PLGRKT: variants seen among roughly 807,000 people sequenced by gnomAD.
The protein encoded by PLGRKT is plasminogen receptor with a C-terminal lysine, also known as plasminogen receptor (KT).
Under a neutral mutation model 18.5 loss-of-function variants are expected in PLGRKT, and 22 were observed. The ratio of observed to expected loss-of-function variants is 1.19; its 90% confidence interval spans 0.85 to 1.70. PLGRKT has a LOEUF of 1.70. PLGRKT is among the 40% of genes most tolerant of loss of function. The pLI is 0.00. For synonymous variants in PLGRKT, 72 were observed against 52.8 expected, an observed-to-expected ratio of 1.36 and a Z score of -1.58; for missense variants, 235 against 174.4, an observed-to-expected ratio of 1.35 and a Z score of -1.96.
At chr9:5,359,264 G>C (rs1817208288) in intron 5 of PLGRKT, among the ~76,000 whole-genome samples, 1 of 151,902 alleles carries the variant, frequency 6.6e-6, no homozygotes, top group Non-Finnish European at 1.5e-5. Context: ...CATCATGTTG[G>C]ACAGGCTGGT....
At chr9:5,377,527 G>A (rs1035323568) in intron 3 of PLGRKT, among the ~76,000 whole-genome samples, 1 of 152,096 alleles carries the variant, frequency 6.6e-6, no homozygotes. Flanking sequence ...TCTCCATAAT[G>A]GTGCTGGAAA....
At chr9:5,420,158 A>G (rs1818547082) in intron 3 of PLGRKT, among the ~76,000 whole-genome samples, 1 of 152,228 alleles carries the variant, frequency 6.6e-6, no homozygotes, top group Non-Finnish European at 1.5e-5. Flanking sequence ...TTTACAGAAA[A>G]TGCCCAAAAT....
rs539342364 is a variant in PLGRKT, at chr9:5,398,982, G to C, written c.81+32915C>G. Among the ~76,000 whole-genome samples the C allele has an allele frequency of 1.2e-4, 18 of 151,678 alleles. 1 individual carries two copies. The South Asian group carries it at 3.7e-3, about 32-fold the overall frequency. On this transcript the variant is annotated intron_variant, in intron 3 of 5. Transcript: ENST00000223864. ...TAAATGTATCTATCTTTGCCAGAAA[G>C]AGAGTTACTCATAGATAACTTTTTC...
At chr9:5,390,764 C>T (rs540707860) in intron 3 of PLGRKT, among the ~76,000 whole-genome samples, 1 of 151,782 alleles carries the variant, frequency 6.6e-6, no homozygotes, top group East Asian at 1.9e-4. Flanking sequence ...AAAGGCAAAC[C>T]CAGGTGTAGC....
At chr9:5,395,996 C>A (rs546836327) in intron 3 of PLGRKT, among the ~76,000 whole-genome samples, 1 of 149,350 alleles carries the variant, frequency 6.7e-6, no homozygotes, top group Non-Finnish European at 1.5e-5. Context: ...CGAGTTCAAG[C>A]GATTCTCCTG....
chr9:5,426,089 G>A (rs1450164355), intron 3 of PLGRKT, among the ~76,000 whole-genome samples: 1 of 152,126 alleles, frequency 6.6e-6, no homozygotes, highest in Admixed American at 6.5e-5. Context: ...TTCTAGCCCA[G>A]TAGTCAAGTC....
chr9:5,408,668 A>G (rs1031779778), intron 3 of PLGRKT, among the ~76,000 whole-genome samples: 1 of 152,268 alleles, frequency 6.6e-6, no homozygotes, highest in Non-Finnish European at 1.5e-5. Flanking sequence ...TTGCATAAGT[A>G]AAGAGGAGCC....
At chr9:5,372,142 C>A (rs576280899) in intron 3 of PLGRKT, among the ~76,000 whole-genome samples, 8 of 151,916 alleles carry the variant, frequency 5.3e-5, no homozygotes, top group Admixed American at 5.2e-4. Context: ...CCACCACGCC[C>A]AGCTAATTTT....
At chr9:5,435,023 AC>A (rs1316706406) in intron 2 of PLGRKT, among the ~76,000 whole-genome samples, 1 of 151,772 alleles carries the variant, frequency 6.6e-6, no homozygotes, top group East Asian at 1.9e-4. Context: ...CTTACCCCCA[AC>A]CCCCTGCTCT....
At chr9:5,415,635 A>G (rs915381825) in intron 3 of PLGRKT, among the ~76,000 whole-genome samples, 3 of 152,218 alleles carry the variant, frequency 2.0e-5, no homozygotes, top group African/African-American at 7.2e-5. Flanking sequence ...TAGCAATAAG[A>G]CATATCAACT....
chr9:5,406,991 A>C (rs1327016268), intron 3 of PLGRKT, among the ~76,000 whole-genome samples: 1 of 152,216 alleles, frequency 6.6e-6, no homozygotes, highest in Non-Finnish European at 1.5e-5. Context: ...ATGTAATTGC[A>C]GAGTGTTTCA....
intron 3 of PLGRKT, among the ~76,000 whole-genome samples, chr9:5,371,146 A>C (rs1817506763): frequency 6.6e-6 from 1 of 152,226 alleles, no homozygotes; most frequent in Non-Finnish European, 1.5e-5. Context: ...AAAAATGAGA[A>C]TTTCAGTTTG....
intron 3 of PLGRKT, among the ~76,000 whole-genome samples, chr9:5,417,403 T>C (rs1818484752): frequency 6.6e-6 from 1 of 152,066 alleles, no homozygotes; most frequent in East Asian, 1.9e-4. Flanking sequence ...AGACCTAAAT[T>C]TAAGAGCTAC....
chr9:5,393,953 GGAAGA>G (rs1817996177), intron 3 of PLGRKT, among the ~76,000 whole-genome samples: 1 of 151,730 alleles, frequency 6.6e-6, no homozygotes, highest in Non-Finnish European at 1.5e-5. Context: ...TGACCATCTG[GGAAGA>G]AAAGCCTCTT....
Position 5,418,427 on chromosome 9 carries a change from T to G in PLGRKT, c.81+13470A>C. The G allele has an allele frequency of 1.1e-6, 1 of 895,294 alleles. No individual in the cohort carries two copies. 55.5% of individuals were successfully genotyped at this position (895,294 alleles called of 1,614,324 possible). ...ATGCAGGACATGTTATGGAGCACGATGCTGAGGAGGAAGACCAAGACGCAA... is the reference window on the plus strand; with the variant it reads ...ATGCAGGACATGTTATGGAGCACGAGGCTGAGGAGGAAGACCAAGACGCAA... On this transcript the variant is annotated intron_variant, in intron 3 of 5. Transcript: ENST00000223864. This position sits in a 1 kb window ranked among gnomAD's most constrained non-coding sequence, Gnocchi z 4.2.
At chr9:5,372,256 A>C (rs916028508) in intron 3 of PLGRKT, among the ~76,000 whole-genome samples, 1 of 152,036 alleles carries the variant, frequency 6.6e-6, no homozygotes, top group African/African-American at 2.4e-5. Context: ...ATTCTTAAGA[A>C]ATTGCAGCAT....
chr9:5,413,869 A>C (rs1240369052), intron 3 of PLGRKT, among the ~76,000 whole-genome samples: 1 of 152,242 alleles, frequency 6.6e-6, no homozygotes, highest in Non-Finnish European at 1.5e-5. Context: ...TTTTTAAATG[A>C]TAAAGATCTC....
At chr9:5,368,700 C>A (rs1486377790) in intron 3 of PLGRKT, among the ~76,000 whole-genome samples, 1 of 152,124 alleles carries the variant, frequency 6.6e-6, no homozygotes, top group Non-Finnish European at 1.5e-5. Flanking sequence ...AATAAACCTG[C>A]ACCCCCTGAA....
chr9:5,360,497 T>C (rs1191330489), intron 5 of PLGRKT, among the ~76,000 whole-genome samples: 1 of 152,196 alleles, frequency 6.6e-6, no homozygotes, highest in African/African-American at 2.4e-5. Context: ...CCTCAGGCCA[T>C]CATTTTTCAA....
Sources: gnomAD v4.1 joint callset for allele counts (sites outside exome capture counted in the v4.1 genomes callset) on GRCh38, gnomAD v4.1.1 for gene constraint, Gnocchi (gnomAD v3.1) non-coding constraint, MANE v1.5 for transcripts, NCBI Gene and HGNC (gene_info 2026-07-23, HGNC 2026-07-21) for gene names.